The following LSAMP variants were observed in gnomAD, a reference collection of about 807,000 sequenced individuals.
LSAMP encodes the protein limbic system-associated membrane protein.
LSAMP carries 7 observed loss-of-function variants against 38.6 expected under a neutral mutation model. That is an observed-to-expected ratio of 0.18 (90% CI 0.10 to 0.34). The LOEUF (loss-of-function observed/expected upper bound fraction) is 0.34. LSAMP is among the 10% of genes least tolerant of loss of function. The probability of loss-of-function intolerance (pLI) is 1.00; values close to 1 mark genes in which losing one functional copy is unlikely to be tolerated. For missense variants in LSAMP, 313 were observed against 420.0 expected, an observed-to-expected ratio of 0.75 and a Z score of 2.23; for synonymous variants, 154 against 166.8, an observed-to-expected ratio of 0.92 and a Z score of 0.59.
intron 1 of LSAMP, among the ~76,000 whole-genome samples, chr3:116,267,856 T>C (rs575509146): frequency 1.3e-5 from 2 of 152,190 alleles, no homozygotes; most frequent in East Asian, 3.9e-4. Context: ...CTCCAGTTTA[T>C]AGTCTCCCTT....
chr3:115,958,813 C>A (rs1234555027), intron 3 of LSAMP, among the ~76,000 whole-genome samples: 1 of 151,780 alleles, frequency 6.6e-6, no homozygotes, highest in Non-Finnish European at 1.5e-5. Context: ...AAGCGTTAAG[C>A]ACTTAAAAAA....
chr3:116,055,968 T>C (rs1422013088), intron 2 of LSAMP, among the ~76,000 whole-genome samples: 2 of 152,040 alleles, frequency 1.3e-5, no homozygotes, highest in African/African-American at 2.4e-5. Context: ...CCTGCTTTTT[T>C]TTTCCCCCAG....
chr3:116,314,436 A>C (rs535780072), intron 1 of LSAMP, among the ~76,000 whole-genome samples: 1 of 152,338 alleles, frequency 6.6e-6, no homozygotes, highest in Non-Finnish European at 1.5e-5. Flanking sequence ...TAAACAGATT[A>C]ATTAAAGGAC....
chr3:115,874,895 C>T (rs1329629157), intron 3 of LSAMP, among the ~76,000 whole-genome samples: 2 of 151,372 alleles, frequency 1.3e-5, no homozygotes, highest in African/African-American at 2.4e-5. Flanking sequence ...ATTTTCAGCA[C>T]ATAGAAGGTA....
intron 1 of LSAMP, among the ~76,000 whole-genome samples, chr3:116,319,371 T>A (rs1458906222): frequency 2.6e-5 from 4 of 152,208 alleles, no homozygotes; most frequent in Non-Finnish European, 4.4e-5. Flanking sequence ...CATTCAGTAG[T>A]ATCTTGTATA....
rs1322117072 is a variant in LSAMP, at chr3:116,153,972, CA to C, written c.156-67417del. Among the ~76,000 whole-genome samples, 4 of 151,984 alleles carry C rather than the reference CA, an allele frequency of 2.6e-5. No homozygotes were observed. The East Asian group carries it at 5.8e-4, about 22-fold the overall frequency. On this transcript the variant is annotated intron_variant, in intron 1 of 6. Coordinates refer to ENST00000490035, the MANE Select transcript of LSAMP (RefSeq NM_002338.5). ...CATTCTAAATCTGTGTTTATTTATT[CA>C]AAAAAATTGACAATCTCCCAAAATA...
chr3:115,908,890 A>AC (rs1937074381), intron 3 of LSAMP, among the ~76,000 whole-genome samples: 1 of 152,162 alleles, frequency 6.6e-6, no homozygotes, highest in South Asian at 2.1e-4. Flanking sequence ...TTCTGTCTTC[A>AC]GTCAAGAGTG....
chr3:116,136,278 T>C (rs971352876), intron 1 of LSAMP, among the ~76,000 whole-genome samples: 3 of 152,150 alleles, frequency 2.0e-5, no homozygotes, highest in African/African-American at 4.8e-5. Context: ...CTTAGCCACA[T>C]TTTGGTTGTA....
At chr3:115,866,782 C>G (rs1457092790) in intron 3 of LSAMP, among the ~76,000 whole-genome samples, 2 of 152,182 alleles carry the variant, frequency 1.3e-5, no homozygotes, top group African/African-American at 4.8e-5. Context: ...GGTTGCCAAG[C>G]AGGATAAATT....
intron 1 of LSAMP, among the ~76,000 whole-genome samples, chr3:116,394,350 G>A (rs964588589): frequency 1.3e-5 from 2 of 152,128 alleles, no homozygotes; most frequent in African/African-American, 2.4e-5. Context: ...ATAACATTGA[G>A]ATAATATTCA....
chr3:115,842,608 A>C, intron 4 of LSAMP, 30 bp from the exon 5 acceptor site: 2 of 1,611,320 alleles, frequency 1.2e-6, no homozygotes, highest in Non-Finnish European at 8.5e-7. Context: ...ACAAGTTTAC[A>C]TGAGGGTCGG....
chr3:116,437,932 G>A (rs2049377256), intron 1 of LSAMP, among the ~76,000 whole-genome samples: 1 of 151,836 alleles, frequency 6.6e-6, no homozygotes, highest in South Asian at 2.1e-4. Context: ...TAATCTCCAA[G>A]GCCTTTCCTA....
At chr3:116,340,840 G>T (rs564339289) in intron 1 of LSAMP, among the ~76,000 whole-genome samples, 1 of 151,880 alleles carries the variant, frequency 6.6e-6, no homozygotes, top group East Asian at 1.9e-4. Flanking sequence ...CTACTTCTCC[G>T]TGTCTAGACT....
chr3:116,437,239 A>G (rs957352376), intron 1 of LSAMP, among the ~76,000 whole-genome samples: 1 of 151,950 alleles, frequency 6.6e-6, no homozygotes, highest in African/African-American at 2.4e-5. Context: ...AGAATGATAC[A>G]ATAGACTTTG....
At chr3:116,156,571 G>C (rs1386356764) in intron 1 of LSAMP, among the ~76,000 whole-genome samples, 1 of 152,040 alleles carries the variant, frequency 6.6e-6, no homozygotes, top group Non-Finnish European at 1.5e-5. Context: ...AGGCTTTATT[G>C]ATAGGAAAAA....
At chr3:116,338,106 C>G (rs1033744985) in intron 1 of LSAMP, among the ~76,000 whole-genome samples, 1 of 151,954 alleles carries the variant, frequency 6.6e-6, no homozygotes, top group African/African-American at 2.4e-5. Context: ...CCTACCTTTT[C>G]CAAAGACACT....
At chr3:115,931,376 C>T (rs1346493269) in intron 3 of LSAMP, among the ~76,000 whole-genome samples, 3 of 152,152 alleles carry the variant, frequency 2.0e-5, no homozygotes, top group Admixed American at 6.5e-5. Context: ...TCTTTGCCTG[C>T]CCCCAGCTGA....
intron 2 of LSAMP, among the ~76,000 whole-genome samples, chr3:116,050,574 G>A (rs1941378548): frequency 6.6e-6 from 1 of 151,820 alleles, no homozygotes; most frequent in Non-Finnish European, 1.5e-5. Context: ...GTCAAAAATG[G>A]GTGCTTTAGC....
intron 3 of LSAMP, among the ~76,000 whole-genome samples, chr3:115,947,473 T>A (rs6438289): frequency 6.6e-6 from 1 of 151,966 alleles, no homozygotes; most frequent in Non-Finnish European, 1.5e-5. Flanking sequence ...AATAAAAAGG[T>A]GAAACCTATT....
Sources: allele counts gnomAD v4.1 joint callset (sites outside exome capture counted in the v4.1 genomes callset), GRCh38; gene constraint gnomAD v4.1.1; transcripts MANE v1.5; gene names NCBI Gene and HGNC (gene_info 2026-07-23, HGNC 2026-07-21).